The following GCFC2 variants were observed in gnomAD, a reference collection of about 807,000 sequenced individuals.
GCFC2 encodes intron Large complex component GCFC2.
In GCFC2, 102 loss-of-function variants were observed where a neutral mutation model predicts 99.4. That is an observed-to-expected ratio of 1.03 (90% CI 0.87 to 1.21). The LOEUF (loss-of-function observed/expected upper bound fraction) is 1.21, where lower values mean the gene tolerates loss of function less well. Ranked by LOEUF, GCFC2 falls within the 50% of genes most tolerant of loss-of-function variation. The pLI, the probability that GCFC2 is intolerant of heterozygous loss-of-function variation, is 0.00. For synonymous variants in GCFC2, 338 were observed against 316.8 expected (o/e 1.07, Z -0.71); for missense variants, 973 against 920.9 (o/e 1.06, Z -0.73).
upstream of GCFC2, among the ~76,000 whole-genome samples, chr2:75,711,715 C>T (rs879383208): frequency 2.1e-4 from 32 of 152,336 alleles, no homozygotes; most frequent in Admixed American, 1.7e-3. Context: ...ACTTGGCACC[C>T]GGGCCAGCGG....
chr2:75,711,271 A>G (rs1573106058), upstream of GCFC2: 1 of 939,596 alleles, frequency 1.1e-6, no homozygotes, highest in Non-Finnish European at 1.3e-6. Context: ...GCCCCCTCCA[A>G]CCAAGATTTA....
intron 11 of GCFC2, among the ~76,000 whole-genome samples, chr2:75,686,914 GC>G (rs760781700): frequency 2.6e-3 from 388 of 151,174 alleles, no homozygotes; most frequent in Non-Finnish European, 4.9e-3. Context: ...GCTGCTAGTG[GC>G]AAATGTGAGT....
At chr2:75,710,510 C>T in intron 1 of GCFC2, 81 bp downstream of exon 1, 2 of 1,413,548 alleles carry the variant, frequency 1.4e-6, no homozygotes, top group Non-Finnish European at 1.8e-6. Context: ...TATAGAACCC[C>T]CAGAGAAGGA....
chr2:75,705,081 G>A (rs1680780484), intron 2 of GCFC2, among the ~76,000 whole-genome samples: 1 of 152,152 alleles, frequency 6.6e-6, no homozygotes, highest in African/African-American at 2.4e-5. Context: ...CACATTTCAA[G>A]AGCTCAACAG....
At chr2:75,680,342 A>T (rs561415187) in intron 11 of GCFC2, 28 bp from the exon 12 acceptor site, 2 of 1,588,864 alleles carry the variant, frequency 1.3e-6, no homozygotes, top group African/African-American at 2.7e-5. Context: ...GTGGTACACA[A>T]TGTATTTACT....
At chr2:75,677,540 T>C (rs1041576236) in intron 12 of GCFC2, among the ~76,000 whole-genome samples, 1 of 152,214 alleles carries the variant, frequency 6.6e-6, no homozygotes, top group Admixed American at 6.5e-5. Context: ...AAGCATACTA[T>C]AGTGCACAGG....
chr2:75,666,069 C>T lies in GCFC2; in HGVS notation c.2104-16G>A. ...ATGCTGCTACCTGTTAATCAAAACACATGGCTGGTTTACAATGACAGTTAT... is the reference window on the plus strand; with the variant it reads ...ATGCTGCTACCTGTTAATCAAAACATATGGCTGGTTTACAATGACAGTTAT... On this transcript the variant is annotated splice_polypyrimidine_tract_variant and intron_variant, in intron 15 of 16. Transcript: ENST00000321027. 1.3e-6 allele frequency: 2 copies of T among 1,591,556 alleles called. No individual in the cohort carries two copies. Among genetic ancestry groups the T allele is most frequent in the Non-Finnish European group, 1.7e-6 (2 of 1,167,864 alleles).
intron 7 of GCFC2, among the ~76,000 whole-genome samples, chr2:75,691,142 G>A (rs998685811): frequency 2.6e-5 from 4 of 152,136 alleles, no homozygotes; most frequent in Non-Finnish European, 5.9e-5. Flanking sequence ...ACTGCATATA[G>A]CACCAAACCC....
At position 75,671,960 on chromosome 2, in the gene GCFC2, G is replaced by T; in HGVS notation, c.1946C>A (p.Ser649Ter). Residue 649 changes from serine (S) to a stop codon, truncating the protein, a stop_gained, in exon 14 of 17, where the codon TCA becomes TAA. Coordinates refer to ENST00000321027, the MANE Select transcript of GCFC2 (RefSeq NM_003203.5). LOFTEE classifies it high-confidence loss of function. ...HSKFQERQFW[S>*]GLKLFRNILL... The stretch of plus-strand genomic sequence containing the variant: ...GCAGTTTTTGCTCACCTTTAGGCCT[G>T]ACCAGAACTGTCTTTCTTGGAACTT... 3 of 1,577,420 alleles carry T rather than the reference G, an allele frequency of 1.9e-6. No individual in the cohort carries two copies. Among genetic ancestry groups the T allele is most frequent in the South Asian group, 2.2e-5 (2 of 90,212 alleles).
chr2:75,700,548 A>AT (rs1221222235), intron 4 of GCFC2, among the ~76,000 whole-genome samples: 1 of 152,210 alleles, frequency 6.6e-6, no homozygotes, highest in Non-Finnish European at 1.5e-5. Context: ...AAAATTGGAT[A>AT]TATTTGTATT....
chr2:75,690,494 A>C, intron 8 of GCFC2, 144 bp downstream of exon 8: 2 of 602,600 alleles, frequency 3.3e-6, no homozygotes, highest in South Asian at 4.0e-5. Context: ...GGGTGGTTTT[A>C]CTAAATTTTG....
At chr2:75,704,075 A>G (rs1680726791) in intron 2 of GCFC2, among the ~76,000 whole-genome samples, 1 of 152,310 alleles carries the variant, frequency 6.6e-6, no homozygotes, top group East Asian at 1.9e-4. Context: ...CATATTCAAT[A>G]CCTCGTTCAA....
At chr2:75,697,779 T>C (rs763747798) in intron 4 of GCFC2, 4 of 152,280 alleles carry the variant, frequency 2.6e-5, no homozygotes, top group East Asian at 1.9e-4. Flanking sequence ...TCCTAAGAGA[T>C]AGGGAATTTT....
intron 5 of GCFC2, 42 bp from the exon 6 acceptor site, chr2:75,694,469 T>C: frequency 1.3e-6 from 1 of 750,932 alleles, no homozygotes; most frequent in Non-Finnish European, 2.0e-6. Context: ...TTCATACTCT[T>C]TTAAAAGTAG....
intron 12 of GCFC2, among the ~76,000 whole-genome samples, chr2:75,675,491 C>T (rs1053738221): frequency 1.3e-5 from 2 of 152,094 alleles, no homozygotes; most frequent in Non-Finnish European, 2.9e-5. Flanking sequence ...GCCTGTAATC[C>T]TAGCACTTTG....
intron 1 of GCFC2, among the ~76,000 whole-genome samples, chr2:75,708,422 C>A (rs1680965734): frequency 6.6e-6 from 1 of 150,732 alleles, no homozygotes; most frequent in Non-Finnish European, 1.5e-5. Context: ...AGTAAAAGAT[C>A]CAAAGTACAA....
chr2:75,711,563 T>C (rs982400862), upstream of GCFC2, among the ~76,000 whole-genome samples: 1 of 152,254 alleles, frequency 6.6e-6, no homozygotes, highest in Non-Finnish European at 1.5e-5. Context: ...GTTGAGCTAC[T>C]GCACACCTGT....
At chr2:75,710,960 G>A, upstream of GCFC2, 3 of 1,368,332 alleles carry the variant, frequency 2.2e-6, no homozygotes, top group South Asian at 1.7e-5. Context: ...GCCGCCGAGT[G>A]CGCGCGCCCG....
intron 12 of GCFC2, among the ~76,000 whole-genome samples, chr2:75,677,878 T>C (rs1679417021): frequency 1.3e-5 from 2 of 151,742 alleles, no homozygotes; most frequent in Non-Finnish European, 2.9e-5. Context: ...CTCGGGAGGC[T>C]GAGGCAGGAG....
Sources: gnomAD v4.1 joint callset for allele counts (sites outside exome capture counted in the v4.1 genomes callset) on GRCh38, gnomAD v4.1.1 for gene constraint, MANE v1.5 for transcripts, NCBI Gene and HGNC (gene_info 2026-07-23, HGNC 2026-07-21) for gene names.